DDX10: variants seen among roughly 807,000 people sequenced by gnomAD.
DDX10 encodes DEAD-box helicase 10, also known as probable ATP-dependent RNA helicase DDX10.
DDX10 carries 74 observed loss-of-function variants against 104.3 expected under a neutral mutation model. The ratio of observed to expected loss-of-function variants is 0.71; its 90% CI spans 0.59 to 0.86. DDX10 has a LOEUF of 0.86. Among genes scored for constraint, DDX10 ranks in the 40% least tolerant of loss-of-function variants. DDX10 has a pLI of 0.00. For synonymous variants in DDX10, 351 were observed against 353.4 expected, an observed-to-expected ratio of 0.99 and a Z score of 0.08; for missense variants, 952 against 1,040.0, an observed-to-expected ratio of 0.92 and a Z score of 1.16.
chr11:108,691,808 T>C (rs1303581538), intron 7 of DDX10, 68 bp from the exon 8 acceptor site: 1 of 1,450,196 alleles, frequency 6.9e-7, no homozygotes, highest in Admixed American at 2.0e-5. Flanking sequence ...GTGGGATACG[T>C]TGATAAGAGA....
At chr11:108,814,235 C>T (rs894528437) in intron 13 of DDX10, among the ~76,000 whole-genome samples, 2 of 152,146 alleles carry the variant, frequency 1.3e-5, no homozygotes, top group South Asian at 4.1e-4. Context: ...GTAAATGAAA[C>T]ATGGCCTTGT....
intron 17 of DDX10, among the ~76,000 whole-genome samples, chr11:108,932,726 G>A (rs1483646790): frequency 6.6e-6 from 1 of 152,014 alleles, no homozygotes; most frequent in African/African-American, 2.4e-5. Context: ...GAAAACAAAA[G>A]TTATGAGTTG....
At chr11:108,891,109 A>G (rs145693888) in intron 16 of DDX10, among the ~76,000 whole-genome samples, 2 of 152,160 alleles carry the variant, frequency 1.3e-5, no homozygotes, top group South Asian at 2.1e-4. Context: ...TTTGACCGCT[A>G]TAGCAGTTAC....
At chr11:108,694,573 G>A (rs990547122) in intron 9 of DDX10, among the ~76,000 whole-genome samples, 9 of 152,236 alleles carry the variant, frequency 5.9e-5, no homozygotes, top group African/African-American at 2.2e-4. Flanking sequence ...AGAGGTATGA[G>A]GAACTGTCTA....
At chr11:108,864,161 A>G (rs768032340) in intron 16 of DDX10, among the ~76,000 whole-genome samples, 4 of 152,196 alleles carry the variant, frequency 2.6e-5, no homozygotes, top group East Asian at 1.9e-4. Flanking sequence ...ATTAATTAGC[A>G]TTAGTATACG....
intron 12 of DDX10, among the ~76,000 whole-genome samples, chr11:108,722,541 T>A (rs1175555077): frequency 1.3e-5 from 2 of 152,222 alleles, no homozygotes; most frequent in African/African-American, 4.8e-5. Flanking sequence ...GTTTTGTCCT[T>A]TCATGGTCAT....
intron 6 of DDX10, among the ~76,000 whole-genome samples, chr11:108,686,039 C>G (rs1375758163): frequency 6.6e-6 from 1 of 152,168 alleles, no homozygotes; most frequent in Non-Finnish European, 1.5e-5. Flanking sequence ...TGTAAAACTT[C>G]ATTCTGTTTC....
intron 13 of DDX10, among the ~76,000 whole-genome samples, chr11:108,788,993 A>G (rs540018294): frequency 7.2e-5 from 11 of 152,284 alleles, no homozygotes; most frequent in African/African-American, 2.6e-4. Flanking sequence ...AGGGGCAGAT[A>G]GGCCGTACCC....
At chr11:108,922,911 G>T (rs1349481594) in intron 17 of DDX10, among the ~76,000 whole-genome samples, 2 of 152,204 alleles carry the variant, frequency 1.3e-5, no homozygotes, top group Non-Finnish European at 2.9e-5. Flanking sequence ...TACAGAAGTA[G>T]TTGGGGCCAG....
intron 13 of DDX10, among the ~76,000 whole-genome samples, chr11:108,782,169 C>T (rs2094379053): frequency 6.6e-6 from 1 of 152,136 alleles, no homozygotes; most frequent in African/African-American, 2.4e-5. Context: ...ATGGTATAGG[C>T]CTTGGTTACC....
chr11:108,810,301 G>C (rs1315495521), intron 13 of DDX10, among the ~76,000 whole-genome samples: 2 of 152,042 alleles, frequency 1.3e-5, no homozygotes, highest in African/African-American at 4.8e-5. Flanking sequence ...CCAGGGGAGG[G>C]GCGGGTAAAG....
rs544847687 is a variant in DDX10 at position 108,771,862 on chromosome 11, C to G, written c.1965+48400C>G. ...ATGTTTGCTTGTTTTTGTCTTGATC[C>G]ATCATGGTCAGTAGTCTTGTCTGAT... On this transcript the variant is annotated intron_variant, in intron 13 of 17. Transcript: ENST00000322536. 1.7e-4 allele frequency among the ~76,000 whole-genome samples: 26 copies of G among 152,192 alleles called. No homozygotes were observed. In the South Asian group the frequency reaches 5.2e-3, roughly 30 times the overall value.
chr11:108,924,151 T>C (rs933823518), intron 17 of DDX10, among the ~76,000 whole-genome samples: 1 of 152,092 alleles, frequency 6.6e-6, no homozygotes, highest in Admixed American at 6.6e-5. Flanking sequence ...ATGTTCATTA[T>C]CCAGTCAAAT....
At chr11:108,681,267 AG>A (rs1367257641) in intron 6 of DDX10, among the ~76,000 whole-genome samples, 2 of 152,186 alleles carry the variant, frequency 1.3e-5, no homozygotes, top group African/African-American at 4.8e-5. Context: ...AAAACTACAA[AG>A]ACTTTGATAT....
chr11:108,677,148 T>A lies in DDX10; in HGVS notation c.442T>A (p.Ser148Thr), dbSNP rs749364495. 1 of 1,613,824 alleles carries A rather than the reference T, an allele frequency of 6.2e-7. No homozygotes were observed. The highest frequency in any genetic ancestry group is 8.5e-7 in the Non-Finnish European group (1 of 1,179,894). Residue 148 changes from serine (S) to threonine (T), a missense_variant, in exon 4 of 18, where the codon TCA (serine) becomes ACA (threonine). Ser to Thr is a moderately conservative substitution (Grantham distance 58). Around this residue, in one of 3 missense-constraint regions of DDX10, gnomAD observed 412 missense variants for 479.2 expected, o/e 0.86. Coordinates refer to ENST00000322536, the MANE Select transcript of DDX10 (RefSeq NM_004398.4). ...STDGLGVLII[S>T]PTRELAYQTF... ...AGATGGGCTGGGGGTTCTCATAATA[T>A]CACCTACGAGAGAACTGGCCTATCA...
chr11:108,836,754 G>A (rs1198210417), intron 13 of DDX10, among the ~76,000 whole-genome samples: 1 of 152,140 alleles, frequency 6.6e-6, no homozygotes, highest in Non-Finnish European at 1.5e-5. Context: ...CTGCCAAAGT[G>A]CTGGGATTAT....
At chr11:108,679,303 A>C in intron 5 of DDX10, 68 bp from the exon 6 acceptor site, 2 of 1,292,242 alleles carry the variant, frequency 1.5e-6, no homozygotes, top group Non-Finnish European at 2.1e-6. Flanking sequence ...CCAATCCAGG[A>C]TACCCATTGC....
At position 108,761,289 on chromosome 11, in the gene DDX10, TG is replaced by T. The variant is rs2094350550; in HGVS notation, c.1965+37828del. Among the ~76,000 whole-genome samples the T allele has an allele frequency of 2.0e-5, 3 of 152,122 alleles. No homozygotes were observed. The South Asian group carries it at 6.2e-4, about 31-fold the overall frequency. On this transcript the variant is annotated intron_variant, in intron 13 of 17. Coordinates refer to ENST00000322536, the MANE Select transcript of DDX10 (RefSeq NM_004398.4). ...AAAGGAAGCCTGCCTCTGTTTTAAATGTTAGAAAAATGTTAATATTACTTGT... is the reference window on the plus strand; with the variant it reads ...AAAGGAAGCCTGCCTCTGTTTTAAATTTAGAAAAATGTTAATATTACTTGT...
rs77078299 is a variant in DDX10 at position 108,844,220 on chromosome 11, A to G, written c.2247+2744A>G. ...GGAAAATAGGTGTATTCTGCACAAG[A>G]CATACCTTCCAAATAGGATTTTGAA... On this transcript the variant is annotated intron_variant, in intron 15 of 17. Transcript: ENST00000322536. Among the ~76,000 whole-genome samples the G allele has an allele frequency of 9.2e-3, 1,395 of 152,318 alleles. 15 individuals are homozygous for G. The highest frequency in any genetic ancestry group is 0.028 in the African/African-American group (1,179 of 41,552).
Sources: gnomAD v4.1 joint callset for allele counts (sites outside exome capture counted in the v4.1 genomes callset) on GRCh38, gnomAD v4.1.1 for gene constraint, gnomAD v4.1.1 regional missense constraint, MANE v1.5 for transcripts, NCBI Gene and HGNC (gene_info 2026-07-23, HGNC 2026-07-21) for gene names.